The following PCDH15 variants were observed in gnomAD, a reference collection of about 807,000 sequenced individuals.
PCDH15 encodes the protein protocadherin related 15.
In PCDH15, 129 loss-of-function variants were observed where a neutral mutation model predicts 178.5. The observed-to-expected ratio is 0.72, with a 90% CI of 0.63 to 0.84. PCDH15 has a LOEUF of 0.84. PCDH15 is among the 40% of genes least tolerant of loss of function. The pLI, the probability that PCDH15 is intolerant of heterozygous loss-of-function variation, is 0.00. For missense variants in PCDH15, 2,230 were observed against 2,099.9 expected (o/e 1.06, Z -1.21); for synonymous variants, 800 against 732.0 (o/e 1.09, Z -1.50).
At chr10:53,958,891 A>G (rs950385322) in intron 23 of PCDH15, among the ~76,000 whole-genome samples, 2 of 148,634 alleles carry the variant, frequency 1.3e-5, no homozygotes, top group Admixed American at 6.7e-5. Flanking sequence ...AGGCAGGAGA[A>G]TGGTGCAAAC....
intron 2 of PCDH15, chr10:55,166,522 T>C (rs1287193679): frequency 6.6e-6 from 1 of 152,174 alleles, no homozygotes; most frequent in African/African-American, 2.4e-5. Context: ...TAATGTATTG[T>C]TATTCTTCAA....
At chr10:55,041,385 A>C (rs918426261) in intron 2 of PCDH15, among the ~76,000 whole-genome samples, 1 of 152,136 alleles carries the variant, frequency 6.6e-6, no homozygotes, top group Non-Finnish European at 1.5e-5. Context: ...TAATGTATGA[A>C]TCATATAGGG....
chr10:54,784,549 G>T (rs1452766889), intron 1 of PCDH15, among the ~76,000 whole-genome samples: 2 of 151,978 alleles, frequency 1.3e-5, no homozygotes, highest in African/African-American at 2.4e-5. Context: ...TTCCTATATG[G>T]ACAAAAACTA....
chr10:54,517,226 T>C (rs961781629), intron 3 of PCDH15, among the ~76,000 whole-genome samples: 4 of 152,118 alleles, frequency 2.6e-5, no homozygotes, highest in African/African-American at 9.7e-5. Flanking sequence ...ACTTTAAATA[T>C]AAATGGGCTA....
chr10:53,812,257 G>T (rs576206130), intron 35 of PCDH15, among the ~76,000 whole-genome samples: 1 of 152,304 alleles, frequency 6.6e-6, no homozygotes, highest in South Asian at 2.1e-4. Flanking sequence ...GCCCAGGCTG[G>T]AGTGCAGTGG....
At chr10:54,111,413 A>G (rs1447500742) in intron 15 of PCDH15, among the ~76,000 whole-genome samples, 1 of 152,130 alleles carries the variant, frequency 6.6e-6, no homozygotes, top group Non-Finnish European at 1.5e-5. Context: ...TCAATTAGAA[A>G]GGAAAAAAAA....
chr10:55,146,072 T>A (rs1328589220), intron 2 of PCDH15, among the ~76,000 whole-genome samples: 1 of 151,916 alleles, frequency 6.6e-6, no homozygotes, highest in Non-Finnish European at 1.5e-5. Flanking sequence ...ATAGAGTAGG[T>A]TTTACGGAAA....
At chr10:53,904,645 C>T (rs1041254630) in intron 25 of PCDH15, among the ~76,000 whole-genome samples, 13 of 151,930 alleles carry the variant, frequency 8.6e-5, no homozygotes, top group Admixed American at 5.2e-4. Flanking sequence ...GAACCAACAG[C>T]GAAATAGGGC....
chr10:53,815,028 C>G (rs1281056490), intron 35 of PCDH15, among the ~76,000 whole-genome samples: 1 of 151,212 alleles, frequency 6.6e-6, no homozygotes, highest in Non-Finnish European at 1.5e-5. Context: ...TCAACCTCAA[C>G]CAACAAGGGA....
Position 54,214,056 on chromosome 10 carries a change from A to T in PCDH15, c.986-8T>A. 6.8e-7 allele frequency: 1 copy of T among 1,473,034 alleles called. No homozygotes were observed. The highest frequency in any genetic ancestry group is 2.3e-5 in the East Asian group (1 of 44,034). 91.2% of individuals were successfully genotyped at this position (1,473,034 alleles called of 1,614,324 possible). On this transcript the variant is annotated splice_region_variant and splice_polypyrimidine_tract_variant and intron_variant, in intron 9 of 37. Coordinates refer to ENST00000644397, the MANE Select transcript of PCDH15 (RefSeq NM_001384140.1). ...GGTAATCCTCAGGAGTCCCTGGAAG[A>T]CATTGAGATTTCAGTACATAATTGA...
intron 2 of PCDH15, among the ~76,000 whole-genome samples, chr10:54,898,902 C>T (rs1002951771): frequency 5.9e-5 from 9 of 151,900 alleles, no homozygotes; most frequent in Non-Finnish European, 1.0e-4. Context: ...ACTACAAAAG[C>T]GAAATCATAT....
intron 21 of PCDH15, among the ~76,000 whole-genome samples, chr10:53,987,185 A>G (rs2091165485): frequency 6.6e-6 from 1 of 152,150 alleles, no homozygotes; most frequent in South Asian, 2.1e-4. Flanking sequence ...ATGAAGAAAA[A>G]TTAATTTGGC....
intron 8 of PCDH15, among the ~76,000 whole-genome samples, chr10:54,247,693 T>C (rs1438067528): frequency 6.6e-6 from 1 of 151,656 alleles, no homozygotes; most frequent in Non-Finnish European, 1.5e-5. Flanking sequence ...GAATGAACGG[T>C]GAACTCCTAT....
chr10:54,766,890 A>G (rs1948575023), intron 1 of PCDH15, among the ~76,000 whole-genome samples: 1 of 151,970 alleles, frequency 6.6e-6, no homozygotes, highest in South Asian at 2.1e-4. Flanking sequence ...AGATAGCACC[A>G]CTGCACTCCA....
chr10:53,910,762 C>G (rs1400822840), intron 25 of PCDH15, among the ~76,000 whole-genome samples: 4 of 152,082 alleles, frequency 2.6e-5, no homozygotes, highest in Middle Eastern at 3.4e-3. Context: ...AGCTAAAAAC[C>G]TTAAAAAAAG....
At chr10:54,044,795 A>G (rs1226064354) in intron 18 of PCDH15, among the ~76,000 whole-genome samples, 7 of 152,166 alleles carry the variant, frequency 4.6e-5, no homozygotes, top group Non-Finnish European at 1.0e-4. Flanking sequence ...GGTAAACTAA[A>G]GCCGCATCAT....
chr10:55,113,770 T>G (rs1837565617), intron 2 of PCDH15, among the ~76,000 whole-genome samples: 1 of 152,080 alleles, frequency 6.6e-6, no homozygotes, highest in South Asian at 2.1e-4. Context: ...CCAGGCCATT[T>G]TTGAGATAGC....
At chr10:54,786,781 A>T (rs1238672226) in intron 1 of PCDH15, among the ~76,000 whole-genome samples, 1 of 151,860 alleles carries the variant, frequency 6.6e-6, no homozygotes, top group Non-Finnish European at 1.5e-5. Flanking sequence ...TTTTCTTCTT[A>T]TCAATCTGTT....
intron 18 of PCDH15, among the ~76,000 whole-genome samples, chr10:54,056,436 A>C (rs1429180897): frequency 6.6e-6 from 1 of 152,180 alleles, no homozygotes; most frequent in African/African-American, 2.4e-5. Flanking sequence ...AAGGTGAATG[A>C]GGAGCAAAGT....
Sources: gnomAD v4.1 joint callset for allele counts (sites outside exome capture counted in the v4.1 genomes callset) on GRCh38, gnomAD v4.1.1 for gene constraint, MANE v1.5 for transcripts, NCBI Gene and HGNC (gene_info 2026-07-23, HGNC 2026-07-21) for gene names.